C4orf50: variants seen among roughly 807,000 people sequenced by gnomAD.
C4orf50 encodes the protein uncharacterized protein C4orf50.
In C4orf50, 80 loss-of-function variants were observed where a neutral mutation model predicts 77.2. That is an observed-to-expected ratio of 1.04 (90% confidence interval 0.87 to 1.25). The LOEUF (loss-of-function observed/expected upper bound fraction) is 1.25. C4orf50 is among the 50% of genes most tolerant of loss of function. C4orf50 has a pLI of 0.00. For missense variants in C4orf50, 1,257 were observed against 1,152.9 expected (o/e 1.09, Z -1.31); for synonymous variants, 532 against 465.3 (o/e 1.14, Z -1.84).
At chr4:5,952,753 A>G (rs1718784120), downstream of C4orf50, among the ~76,000 whole-genome samples, 2 of 152,298 alleles carry the variant, frequency 1.3e-5, no homozygotes, top group South Asian at 4.2e-4. The surrounding 1 kb of genome is among the most constrained non-coding windows in gnomAD (Gnocchi z 4.4). Flanking sequence ...GAAGCCAGAA[A>G]CAAAGCCAGA....
chr4:5,916,241 C>G lies in C4orf50; in HGVS notation c.*2475-18053G>C, dbSNP rs1332084845. On this transcript the variant is annotated intron_variant, in intron 7 of 7. Transcript: ENST00000324058. This position sits in a 1 kb window ranked among gnomAD's most constrained non-coding sequence, Gnocchi z 4.4. ...CAGACGCACCAACAGCTCCTGGTTA[C>G]TCTGGGGGGCCCATGCACAGAGAAT... is the stretch of plus-strand genomic sequence containing the variant. 6.6e-6 allele frequency among the ~76,000 whole-genome samples: 1 copy of G among 152,212 alleles called. No individual in the cohort carries two copies. The highest frequency in any genetic ancestry group is 1.5e-5 in the Non-Finnish European group (1 of 68,038).
Position 5,995,554 on chromosome 4 carries a change from C to A in C4orf50, c.964-1078G>T, listed in dbSNP as rs373259539. Among the ~76,000 whole-genome samples, 18 of 151,762 alleles carry A rather than the reference C, an allele frequency of 1.2e-4. No homozygotes were observed. In the South Asian group the frequency reaches 3.5e-3, roughly 30 times the overall value. Reference sequence around the variant, plus strand: ...CCCACCACTCACGAGGGGCTGGGCACAGGTCTCCTCTGGGTTCCCACAGCC... The same window carrying A: ...CCCACCACTCACGAGGGGCTGGGCAAAGGTCTCCTCTGGGTTCCCACAGCC... On this transcript the variant is annotated intron_variant, in intron 25 of 33. Coordinates refer to ENST00000531445, the Ensembl canonical transcript of C4orf50.
At chr4:5,983,184 C>A (rs1020149744) in intron 28 of C4orf50, among the ~76,000 whole-genome samples, 2 of 152,230 alleles carry the variant, frequency 1.3e-5, no homozygotes, top group Admixed American at 6.5e-5. Context: ...CTCCTTCAAT[C>A]CACCCGAACC....
Position 5,973,852 on chromosome 4 carries a change from G to A in C4orf50, c.3922-11C>T, listed in dbSNP as rs1720092676. The A allele has an allele frequency of 1.2e-6, 2 of 1,600,180 alleles. No homozygotes were observed. Among genetic ancestry groups the A allele is most frequent in the Non-Finnish European group, 8.5e-7 (1 of 1,171,714 alleles). ...GGAAGCTATCTTGGCCTGAAAGGGA[G>A]GGAGGCCATGGATGCAGAGCTCCCA... On this transcript the variant is annotated splice_polypyrimidine_tract_variant and intron_variant, in intron 30 of 33. Transcript: ENST00000531445.
At chr4:5,989,123 G>A in exon 28 of C4orf50, 2 of 1,536,072 alleles carry the variant, frequency 1.3e-6, no homozygotes, top group Non-Finnish European at 1.7e-6. Flanking sequence ...TCCCGCTCGA[G>A]CCTGGATATT....
At chr4:5,974,618 C>T (rs1359278188) in intron 30 of C4orf50, among the ~76,000 whole-genome samples, 1 of 152,140 alleles carries the variant, frequency 6.6e-6, no homozygotes, top group Non-Finnish European at 1.5e-5. Context: ...TGATGCCCAG[C>T]CCAGGGCACC....
At position 5,967,476 on chromosome 4, in the gene C4orf50, C is replaced by A; in HGVS notation, c.4105-14G>T. The A allele has an allele frequency of 2.5e-6, 4 of 1,613,336 alleles. No homozygotes were observed. The highest frequency in any genetic ancestry group is 3.4e-6 in the Non-Finnish European group (4 of 1,179,310). On this transcript the variant is annotated splice_polypyrimidine_tract_variant and intron_variant, in intron 31 of 33. Transcript: ENST00000531445. ...GTGGTGGCTTGTCTGCAAGAAAAGACATCTTGGCGGTTATTCTGCATGGCA... is the reference window on the plus strand; with the variant it reads ...GTGGTGGCTTGTCTGCAAGAAAAGAAATCTTGGCGGTTATTCTGCATGGCA...
At chr4:5,929,366 C>T (rs28716484) in intron 7 of C4orf50, among the ~76,000 whole-genome samples, 59,565 of 152,084 alleles carry the variant, frequency 0.39, 12,059 homozygotes, top group Non-Finnish European at 0.43. Context: ...GTAAATATTC[C>T]TTTATCCCAA....
At chr4:5,976,087 G>C in intron 29 of C4orf50, 132 bp from the exon 8 acceptor site, 1 of 689,520 alleles carries the variant, frequency 1.5e-6, no homozygotes, top group South Asian at 1.7e-5. Context: ...CTCAGTGCCA[G>C]GAACAGGGGC....
intron 7 of C4orf50, among the ~76,000 whole-genome samples, chr4:5,951,765 T>C (rs1338928644): frequency 2.6e-5 from 4 of 152,174 alleles, no homozygotes; most frequent in African/African-American, 7.2e-5. Context: ...TCCCTTCCTA[T>C]AATGCGTTCG....
At chr4:5,997,060 G>C (rs1229126337) in intron 25 of C4orf50, among the ~76,000 whole-genome samples, 1 of 152,168 alleles carries the variant, frequency 6.6e-6, no homozygotes, top group African/African-American at 2.4e-5. Flanking sequence ...AGAGGGAATA[G>C]GATAGGGAAA....
rs1722339035 is a variant in C4orf50, at chr4:6,008,353, C to T, written c.606G>A (p.Val202=). Residue 202 remains valine (V), a synonymous_variant, in exon 25 of 34, where the codon GTG becomes GTA. Transcript: ENST00000531445. This position sits in a 1 kb window ranked among gnomAD's most constrained non-coding sequence, Gnocchi z 6.0. Reference sequence around the variant, plus strand: ...GCCGCACGTTGCGCTCCAGCCGCTGCACCTGCTCCCGCAGGACGCGCTCCT... The same window carrying T: ...GCCGCACGTTGCGCTCCAGCCGCTGTACCTGCTCCCGCAGGACGCGCTCCT... 2.6e-6 allele frequency: 1 copy of T among 391,138 alleles called. No individual in the cohort carries two copies. Among genetic ancestry groups the T allele is most frequent in the East Asian group, 3.7e-5 (1 of 27,340 alleles). The allele number at this position is 391,138 out of a possible 1,614,324, so 24.2% of individuals were successfully genotyped here.
intron 7 of C4orf50, among the ~76,000 whole-genome samples, chr4:5,944,777 C>T (rs988587074): frequency 1.8e-4 from 28 of 151,988 alleles, no homozygotes; most frequent in Non-Finnish European, 2.9e-4. Context: ...CTCAGCGGCA[C>T]GGTGGGAAAT....
intron 25 of C4orf50, among the ~76,000 whole-genome samples, chr4:6,005,823 C>T (rs879669168): frequency 5.9e-5 from 9 of 152,072 alleles, no homozygotes; most frequent in Non-Finnish European, 1.2e-4. Flanking sequence ...TGCGACTGTA[C>T]ACAGCAGCCT....
intron 25 of C4orf50, among the ~76,000 whole-genome samples, chr4:6,004,267 G>A (rs1577992434): frequency 1.5e-5 from 1 of 67,764 alleles, no homozygotes; most frequent in South Asian, 7.1e-4. Context: ...TGGTGATGGT[G>A]GTGATGGTGA....
exon 28 of C4orf50, chr4:5,989,415 A>T: frequency 3.9e-6 from 6 of 1,536,000 alleles, no homozygotes; most frequent in Non-Finnish European, 5.2e-6. Flanking sequence ...CCGGCTTATC[A>T]CCTTCACCAC....
intron 25 of C4orf50, among the ~76,000 whole-genome samples, chr4:6,004,089 A>C (rs1268914052): frequency 0.018 from 380 of 21,594 alleles, no homozygotes; most frequent in Admixed American, 0.031. Flanking sequence ...TGTGATAGTG[A>C]TGATGGTGAT....
At chr4:5,940,498 C>G (rs1163576499) in intron 7 of C4orf50, among the ~76,000 whole-genome samples, 2 of 152,162 alleles carry the variant, frequency 1.3e-5, no homozygotes, top group African/African-American at 2.4e-5. Context: ...AAGTCCTCGC[C>G]TCAACATTTT....
intron 25 of C4orf50, among the ~76,000 whole-genome samples, chr4:6,002,432 A>T (rs944156188): frequency 1.3e-5 from 2 of 152,202 alleles, no homozygotes; most frequent in African/African-American, 4.8e-5. Context: ...GTACTTTGTT[A>T]CAGCAGCCCC....
Sources: allele counts gnomAD v4.1 joint callset (sites outside exome capture counted in the v4.1 genomes callset), GRCh38; gene constraint gnomAD v4.1.1; non-coding constraint Gnocchi (gnomAD v3.1); transcripts MANE v1.5; gene names NCBI Gene and HGNC (gene_info 2026-07-23, HGNC 2026-07-21).